Variants in ANKAR observed in about 807,000 individuals in gnomAD.
ANKAR encodes ankyrin and armadillo repeat containing, also known as ankyrin and armadillo repeat-containing protein.
Under a neutral mutation model 146.2 loss-of-function variants are expected in ANKAR, and 136 were observed. The observed-to-expected ratio is 0.93, with a 90% CI of 0.81 to 1.07. The LOEUF (loss-of-function observed/expected upper bound fraction) is 1.07, where lower values mean the gene tolerates loss of function less well. Among genes scored for constraint, ANKAR ranks in the 50% least tolerant of loss-of-function variants. ANKAR has a pLI of 0.00. For synonymous variants in ANKAR, 500 were observed against 575.8 expected (o/e 0.87, Z 1.88); for missense variants, 1,567 against 1,679.9 (o/e 0.93, Z 1.18).
chr2:189,678,657 C>T (rs1349012357), intron 2 of ANKAR, among the ~76,000 whole-genome samples: 1 of 152,110 alleles, frequency 6.6e-6, no homozygotes, highest in African/African-American at 2.4e-5. Context: ...GCCAATTATC[C>T]CAGCACCATT....
intron 7 of ANKAR, among the ~76,000 whole-genome samples, chr2:189,700,588 A>AT (rs999898015): frequency 5.9e-5 from 9 of 152,002 alleles, no homozygotes; most frequent in African/African-American, 1.9e-4. Context: ...TATACAATTA[A>AT]TTTTTTTTAC....
intron 2 of ANKAR, among the ~76,000 whole-genome samples, chr2:189,680,388 G>C (rs1230841820): frequency 6.6e-6 from 1 of 151,874 alleles, no homozygotes; most frequent in Non-Finnish European, 1.5e-5. Context: ...CAAAAAACCA[G>C]CTTTTTGTTT....
rs74586089 is a variant in ANKAR at position 189,719,684 on chromosome 2, G to A, written c.2337G>A (p.Leu779=). 1,883 of 1,614,128 alleles carry A rather than the reference G, an allele frequency of 1.2e-3. 22 individuals are homozygous for A. The African/African-American group carries it at 0.022, about 19-fold the overall frequency. The change falls in exon 11 of 23, where the codon TTG becomes TTA. Residue 779 remains leucine, a synonymous_variant. Coordinates refer to ENST00000684021, the MANE Select transcript of ANKAR (RefSeq NM_001378068.1). The stretch of plus-strand genomic sequence containing the variant: ...CCCACAAAAGTGCAGTGCATGCTTT[G>A]GTAGAAGCGGGAGGCATTCCATCTC... ...ISTHKSAVHA[L]VEAGGIPSLI...
In ANKAR at chr2:189,719,625, T is replaced by A. The variant is rs764224391; in HGVS notation, c.2278T>A (p.Cys760Ser). Residue 760 changes from cysteine (C) to serine (S), a missense_variant, in exon 11 of 23, where the codon TGC (cysteine) becomes AGC (serine). Cys to Ser is a moderately radical substitution (Grantham distance 112, BLOSUM62 -1). Coordinates refer to ENST00000684021, the MANE Select transcript of ANKAR (RefSeq NM_001378068.1). ...AAAAAGTTCCAAAATAAAACTGCAG[T>A]GCAAAACTGTTGGGTTATTGAGTAA... ...LLKSSKIKLQ[C>S]KTVGLLSNIS... 1 of 1,613,858 alleles carries A rather than the reference T, an allele frequency of 6.2e-7. No homozygotes were observed. Among genetic ancestry groups the A allele is most frequent in the Non-Finnish European group, 8.5e-7 (1 of 1,179,834 alleles).
chr2:189,677,211 A>T, intron 2 of ANKAR, 120 bp downstream of exon 2: 2 of 994,978 alleles, frequency 2.0e-6, no homozygotes, highest in Non-Finnish European at 1.4e-6. Flanking sequence ...TAGGCCTCCC[A>T]AAGTGCTAGG....
chr2:189,742,959 CACACACACACACACACA>C (rs2043575564), intron 20 of ANKAR, among the ~76,000 whole-genome samples: 1 of 144,120 alleles, frequency 6.9e-6, no homozygotes, highest in African/African-American at 2.6e-5. Flanking sequence ...CACACACACA[CACACACACACACACACA>C]CACACCCCTG....
chr2:189,758,316 G>T lies in ANKAR; in HGVS notation c.*585-2782G>T, dbSNP rs184282159. Among the ~76,000 whole-genome samples the T allele has an allele frequency of 6.6e-5, 10 of 152,204 alleles. No homozygotes were observed. The East Asian group carries it at 1.9e-3, about 29-fold the overall frequency. ...GAATCGCTTGAACCCGGGAGGCGGAGGTTGTGATGAGCCAAGATTGCACCA... is the reference window on the plus strand; with the variant it reads ...GAATCGCTTGAACCCGGGAGGCGGATGTTGTGATGAGCCAAGATTGCACCA... On this transcript the variant is annotated intron_variant and NMD_transcript_variant, in intron 18 of 18. Coordinates refer to the ANKAR transcript ENST00000441800.
At chr2:189,755,805 A>G (rs1013295761) in intron 18 of ANKAR, among the ~76,000 whole-genome samples, 2 of 152,228 alleles carry the variant, frequency 1.3e-5, no homozygotes, top group African/African-American at 4.8e-5. Context: ...GTTTGTTGAC[A>G]AATGAAATCA....
At chr2:189,686,454 T>C (rs554185648) in intron 2 of ANKAR, among the ~76,000 whole-genome samples, 2 of 152,318 alleles carry the variant, frequency 1.3e-5, no homozygotes, top group South Asian at 4.1e-4. Flanking sequence ...CACGGGAAAT[T>C]TGTCATTTTT....
intron 18 of ANKAR, among the ~76,000 whole-genome samples, chr2:189,760,166 A>C (rs1215585573): frequency 6.6e-6 from 1 of 152,248 alleles, no homozygotes; most frequent in Non-Finnish European, 1.5e-5. Flanking sequence ...CTTTCTACAC[A>C]GACATATTAA....
At chr2:189,752,795 T>C (rs1574860971) in intron 18 of ANKAR, 1 of 1,613,232 alleles carries the variant, frequency 6.2e-7, no homozygotes, top group Non-Finnish European at 8.5e-7. Context: ...TATGATAAAA[T>C]GGCAATTAAT....
intron 18 of ANKAR, among the ~76,000 whole-genome samples, chr2:189,738,347 A>G (rs1360157846): frequency 6.6e-6 from 1 of 152,126 alleles, no homozygotes; most frequent in East Asian, 1.9e-4. Context: ...ACATTGTAGG[A>G]AGAATAATAG....
At chr2:189,727,421 G>C (rs1406671948) in intron 12 of ANKAR, among the ~76,000 whole-genome samples, 1 of 149,538 alleles carries the variant, frequency 6.7e-6, no homozygotes, top group Non-Finnish European at 1.5e-5. Flanking sequence ...TGTAGTCCCA[G>C]CTACTCAGGA....
In ANKAR at chr2:189,679,517, GA is replaced by G. The variant is rs562264916; in HGVS notation, c.601+2427del. On this transcript the variant is annotated intron_variant, in intron 2 of 22. Coordinates refer to ENST00000684021, the MANE Select transcript of ANKAR (RefSeq NM_001378068.1). Reference sequence around the variant, plus strand: ...GTACTATGTTGAATAGAAGTGGTGAGAGTGGGTATCCTTGTCTTGTTCCAGT... The same window carrying G: ...GTACTATGTTGAATAGAAGTGGTGAGGTGGGTATCCTTGTCTTGTTCCAGT... Among the ~76,000 whole-genome samples the G allele has an allele frequency of 2.5e-3, 383 of 152,288 alleles. 1 individual carries two copies. Among genetic ancestry groups the G allele is most frequent in the Non-Finnish European group, 4.3e-3 (292 of 68,020 alleles).
chr2:189,696,986 A>T (rs80082191), intron 7 of ANKAR, among the ~76,000 whole-genome samples: 2,788 of 152,254 alleles, frequency 0.018, 86 homozygotes, highest in African/African-American at 0.063. Context: ...TATTTTTGTG[A>T]TTATTAAATA....
intron 7 of ANKAR, among the ~76,000 whole-genome samples, chr2:189,701,704 C>G (rs570266011): frequency 5.9e-5 from 9 of 152,188 alleles, no homozygotes; most frequent in African/African-American, 1.9e-4. Flanking sequence ...TTTATATTGC[C>G]CATCTGTTCT....
At chr2:189,701,792 C>T (rs917095410) in intron 7 of ANKAR, among the ~76,000 whole-genome samples, 46 of 152,272 alleles carry the variant, frequency 3.0e-4, no homozygotes, top group African/African-American at 9.9e-4. Context: ...TTCCAACATC[C>T]CTGCCATGTC....
chr2:189,726,131 A>G (rs1356458325), intron 12 of ANKAR, among the ~76,000 whole-genome samples: 2 of 152,186 alleles, frequency 1.3e-5, no homozygotes, highest in Non-Finnish European at 2.9e-5. Context: ...CAAAAATTAT[A>G]AATGGTTGCT....
At chr2:189,734,491 C>T (rs1390750020) in intron 17 of ANKAR, among the ~76,000 whole-genome samples, 1 of 152,174 alleles carries the variant, frequency 6.6e-6, no homozygotes, top group Non-Finnish European at 1.5e-5. Context: ...CCACGGGCCA[C>T]ACTTTCAACA....
Sources: gnomAD v4.1 joint callset for allele counts (sites outside exome capture counted in the v4.1 genomes callset) on GRCh38, gnomAD v4.1.1 for gene constraint, MANE v1.5 for transcripts, NCBI Gene and HGNC (gene_info 2026-07-23, HGNC 2026-07-21) for gene names.